CPNE4: variants seen among roughly 807,000 people sequenced by gnomAD.
The protein encoded by CPNE4 is copine 4.
CPNE4 carries 25 observed loss-of-function variants against 67.9 expected under a neutral mutation model. The ratio of observed to expected loss-of-function variants is 0.37; its 90% CI spans 0.27 to 0.51. The LOEUF (loss-of-function observed/expected upper bound fraction) is 0.51. CPNE4 is among the 20% of genes least tolerant of loss of function. CPNE4 has a pLI of 0.93. For synonymous variants in CPNE4, 242 were observed against 244.9 expected (o/e 0.99, Z 0.11); for missense variants, 464 against 690.8 (o/e 0.67, Z 3.68).
chr3:131,940,700 T>C (rs2071360106), intron 1 of CPNE4, among the ~76,000 whole-genome samples: 1 of 152,100 alleles, frequency 6.6e-6, no homozygotes, highest in South Asian at 2.1e-4. Context: ...AGGCCAGTTC[T>C]AGGATAAGGA....
intron 1 of CPNE4, among the ~76,000 whole-genome samples, chr3:132,020,889 T>G (rs755518350): frequency 6.6e-6 from 1 of 152,190 alleles, no homozygotes; most frequent in East Asian, 1.9e-4. Context: ...ATAAACAGTA[T>G]GTTCTTCAAC....
intron 1 of CPNE4, among the ~76,000 whole-genome samples, chr3:131,967,255 A>G (rs201995126): frequency 1.3e-5 from 2 of 152,224 alleles, no homozygotes; most frequent in Non-Finnish European, 2.9e-5. Context: ...TGACAAGCCC[A>G]CAGCCAATAT....
chr3:131,971,059 G>A lies in CPNE4; in HGVS notation c.-2+63508C>T, dbSNP rs115373491. 4.1e-3 allele frequency among the ~76,000 whole-genome samples: 627 copies of A among 152,302 alleles called. 4 individuals are homozygous for A. Among genetic ancestry groups the A allele is most frequent in the African/African-American group, 0.014 (598 of 41,552 alleles). On this transcript the variant is annotated intron_variant, in intron 1 of 15. Coordinates refer to ENST00000429747, the MANE Select transcript of CPNE4 (RefSeq NM_130808.3). The stretch of plus-strand genomic sequence containing the variant: ...TATGGCATAGATGAGGTCACTCAGC[G>A]GTGTTCATCTGGCAGCTAGAAAGAT...
intron 2 of CPNE4, among the ~76,000 whole-genome samples, chr3:131,750,613 A>T (rs1450950308): frequency 6.6e-6 from 1 of 152,122 alleles, no homozygotes; most frequent in Non-Finnish European, 1.5e-5. Flanking sequence ...GAATTGTCTT[A>T]AATATTTTCT....
At chr3:131,580,849 C>T (rs768026185) in intron 9 of CPNE4, among the ~76,000 whole-genome samples, 5 of 152,054 alleles carry the variant, frequency 3.3e-5, no homozygotes, top group Admixed American at 1.3e-4. Context: ...TTTTATGGTA[C>T]GCTTTCAGTA....
At chr3:131,703,231 C>A (rs189956307) in intron 3 of CPNE4, among the ~76,000 whole-genome samples, 56 of 152,320 alleles carry the variant, frequency 3.7e-4, no homozygotes, top group African/African-American at 1.3e-3. Context: ...GACTCTCACC[C>A]TGGCTTCAGC....
intron 6 of CPNE4, among the ~76,000 whole-genome samples, chr3:131,679,251 T>C (rs1028367666): frequency 1.3e-5 from 2 of 152,186 alleles, no homozygotes; most frequent in African/African-American, 4.8e-5. Context: ...GATGGTTGTT[T>C]GTAGTTCTGT....
intron 7 of CPNE4, among the ~76,000 whole-genome samples, chr3:131,668,540 T>A (rs556428539): frequency 2.0e-4 from 31 of 152,284 alleles, no homozygotes; most frequent in Admixed American, 1.6e-3. Context: ...CTGATGATTG[T>A]CTTCTCTGTG....
intron 2 of CPNE4, among the ~76,000 whole-genome samples, chr3:131,880,132 A>ACATTT (rs1553795789): frequency 1.8e-4 from 27 of 147,518 alleles, no homozygotes; most frequent in Middle Eastern, 3.5e-3. Context: ...ATATATACAT[A>ACATTT]TTTTTTTTTT....
chr3:131,838,866 A>G lies in CPNE4; in HGVS notation c.180+66398T>C, dbSNP rs537082515. Among the ~76,000 whole-genome samples the G allele has an allele frequency of 5.9e-5, 9 of 151,970 alleles. No individual in the cohort carries two copies. In the East Asian group the frequency reaches 1.7e-3, roughly 29 times the overall value. The stretch of plus-strand genomic sequence containing the variant: ...ATGCACATATGTGAATGTATTTAGT[A>G]AATATATGTGATTTACAATGACTTA... On this transcript the variant is annotated intron_variant, in intron 2 of 15. Transcript: ENST00000429747.
chr3:131,745,990 T>A (rs1459460495), intron 2 of CPNE4, among the ~76,000 whole-genome samples: 1 of 152,150 alleles, frequency 6.6e-6, no homozygotes, highest in Admixed American at 6.5e-5. Flanking sequence ...GACATCTTTA[T>A]TATTTTCAGT....
chr3:131,683,014 A>G (rs1486120678), intron 6 of CPNE4, among the ~76,000 whole-genome samples: 1 of 152,134 alleles, frequency 6.6e-6, no homozygotes, highest in Non-Finnish European at 1.5e-5. Context: ...TCCCAGGCAT[A>G]GGACTCTCTC....
intron 1 of CPNE4, among the ~76,000 whole-genome samples, chr3:131,943,228 C>T (rs963991267): frequency 3.3e-5 from 5 of 152,088 alleles, no homozygotes; most frequent in African/African-American, 1.2e-4. Context: ...TGTGTGGTAA[C>T]ATAAATAAAG....
intron 1 of CPNE4, among the ~76,000 whole-genome samples, chr3:132,002,313 G>A (rs1180477957): frequency 2.0e-5 from 3 of 152,162 alleles, no homozygotes; most frequent in African/African-American, 7.2e-5. Flanking sequence ...GAAAAGGCCA[G>A]TGACAGGAAC....
intron 2 of CPNE4, among the ~76,000 whole-genome samples, chr3:131,901,459 G>C (rs2088548273): frequency 6.6e-6 from 1 of 152,044 alleles, no homozygotes; most frequent in South Asian, 2.1e-4. Flanking sequence ...AGTTTGTAAT[G>C]TATTTCAAAG....
chr3:131,636,185 C>CA (rs1004110467), intron 7 of CPNE4, among the ~76,000 whole-genome samples: 3 of 152,082 alleles, frequency 2.0e-5, no homozygotes, highest in East Asian at 3.9e-4. Flanking sequence ...CCTGAGATGC[C>CA]AAAAAACTGT....
chr3:131,708,543 C>A (rs1583056039), intron 3 of CPNE4, among the ~76,000 whole-genome samples: 1 of 152,052 alleles, frequency 6.6e-6, no homozygotes, highest in African/African-American at 2.4e-5. Flanking sequence ...GTCTTCCAAG[C>A]TGAGAACCAC....
At chr3:131,826,495 A>G (rs1254962995) in intron 2 of CPNE4, among the ~76,000 whole-genome samples, 1 of 152,180 alleles carries the variant, frequency 6.6e-6, no homozygotes, top group Non-Finnish European at 1.5e-5. Context: ...CCTGGGCCTG[A>G]CCAGGATGTC....
chr3:131,643,967 G>A (rs1199846049), intron 7 of CPNE4, among the ~76,000 whole-genome samples: 1 of 152,044 alleles, frequency 6.6e-6, no homozygotes, highest in East Asian at 1.9e-4. Context: ...ACCCAGTCTT[G>A]GTATTTCTTC....
Sources: allele counts gnomAD v4.1 joint callset (sites outside exome capture counted in the v4.1 genomes callset), GRCh38; gene constraint gnomAD v4.1.1; transcripts MANE v1.5; gene names NCBI Gene and HGNC (gene_info 2026-07-23, HGNC 2026-07-21).